Variants in CNTN4 observed in about 807,000 individuals in gnomAD.
The protein encoded by CNTN4 is contactin-4.
In CNTN4, 77 loss-of-function variants were observed where a neutral mutation model predicts 122.5. The observed-to-expected ratio is 0.63, with a 90% CI of 0.52 to 0.76. The LOEUF (loss-of-function observed/expected upper bound fraction) is 0.76, where lower values mean the gene tolerates loss of function less well. CNTN4 is among the 30% of genes least tolerant of loss of function. The pLI is 0.00. For synonymous variants in CNTN4, 512 were observed against 447.0 expected, an observed-to-expected ratio of 1.15 and a Z score of -1.83; for missense variants, 1,256 against 1,259.1, an observed-to-expected ratio of 1.00 and a Z score of 0.04.
At chr3:2,439,931 G>T (rs1412493533) in intron 3 of CNTN4, among the ~76,000 whole-genome samples, 1 of 152,040 alleles carries the variant, frequency 6.6e-6, no homozygotes, top group Non-Finnish European at 1.5e-5. Context: ...AAAAATCTTT[G>T]GGAGTAAATT....
chr3:2,219,684 C>G (rs1425632577), intron 2 of CNTN4, among the ~76,000 whole-genome samples: 1 of 151,930 alleles, frequency 6.6e-6, no homozygotes, highest in African/African-American at 2.4e-5. Flanking sequence ...TTAATTATGA[C>G]AAGGTAATTT....
chr3:2,310,771 C>T (rs10510232), intron 2 of CNTN4, among the ~76,000 whole-genome samples: 12,525 of 152,156 alleles, frequency 0.082, 753 homozygotes, highest in African/African-American at 0.17. Flanking sequence ...CTACCTAAAA[C>T]TCACTCGTTC....
intron 23 of CNTN4, among the ~76,000 whole-genome samples, chr3:3,044,238 T>C (rs558126972): frequency 1.9e-3 from 289 of 152,314 alleles, no homozygotes; most frequent in African/African-American, 6.4e-3. Flanking sequence ...TGTAGCCTTC[T>C]TGCAGCAATC....
At chr3:2,727,722 G>A (rs1302353620) in intron 4 of CNTN4, among the ~76,000 whole-genome samples, 1 of 152,176 alleles carries the variant, frequency 6.6e-6, no homozygotes, top group Non-Finnish European at 1.5e-5. Flanking sequence ...AATGCATGAT[G>A]GCGGCAGCAT....
At chr3:2,611,127 T>A (rs2081464043) in intron 4 of CNTN4, among the ~76,000 whole-genome samples, 1 of 150,996 alleles carries the variant, frequency 6.6e-6, no homozygotes, top group Non-Finnish European at 1.5e-5. Flanking sequence ...ATAGGCAAAG[T>A]TAAAGGTGTG....
rs1313750112 is a variant in CNTN4, at chr3:2,379,419, G to A, written c.-89+40186G>A. 2.0e-5 allele frequency among the ~76,000 whole-genome samples: 3 copies of A among 152,176 alleles called. 1 individual carries two copies. The highest frequency in any genetic ancestry group is 6.8e-3 in the Middle Eastern group (2 of 294). ...GATCCCACTCTGGCCACTAACTTCT[G>A]ATAGTACCTTGGATAGATAACTTTA... On this transcript the variant is annotated intron_variant, in intron 3 of 24. Coordinates refer to ENST00000418658, the MANE Select transcript of CNTN4 (RefSeq NM_175607.3).
chr3:2,549,704 C>T (rs1409125739), intron 3 of CNTN4, among the ~76,000 whole-genome samples: 2 of 152,138 alleles, frequency 1.3e-5, no homozygotes, highest in Non-Finnish European at 2.9e-5. Context: ...CAGGATGATG[C>T]AGGCCTCATA....
chr3:2,556,412 C>G (rs1035280692), intron 3 of CNTN4, among the ~76,000 whole-genome samples: 1 of 152,190 alleles, frequency 6.6e-6, no homozygotes, highest in Non-Finnish European at 1.5e-5. Flanking sequence ...CGAAGTTATC[C>G]TCAATCAGGA....
At position 3,038,949 on chromosome 3, in the gene CNTN4, AGCGAAT is replaced by A; in HGVS notation, c.2111_2116del (p.Ala704_Asn705del). The A allele has an allele frequency of 6.2e-7, 1 of 1,614,154 alleles. No individual in the cohort carries two copies. The highest frequency in any genetic ancestry group is 8.5e-7 in the Non-Finnish European group (1 of 1,179,998). On this transcript the variant is annotated inframe_deletion, in exon 19 of 25. Transcript: ENST00000418658. ...CTTGTGCAGTCCCCGAAGTCACACC[AGCGAAT>A]GTCAGTGGTGGCGGAGGCAGCAAAT...
At chr3:2,446,722 T>A (rs2048639813) in intron 3 of CNTN4, among the ~76,000 whole-genome samples, 1 of 152,212 alleles carries the variant, frequency 6.6e-6, no homozygotes, top group Non-Finnish European at 1.5e-5. Context: ...CAGCATATGT[T>A]CTACTTCACG....
intron 2 of CNTN4, among the ~76,000 whole-genome samples, chr3:2,172,392 G>A (rs2036555815): frequency 6.6e-6 from 1 of 152,076 alleles, no homozygotes. Flanking sequence ...GGACTTTGGG[G>A]ACTTGAGGGG....
chr3:2,282,611 G>T (rs1392403392), intron 2 of CNTN4, among the ~76,000 whole-genome samples: 1 of 152,012 alleles, frequency 6.6e-6, no homozygotes, highest in Non-Finnish European at 1.5e-5. Context: ...TTGAAATGTA[G>T]GCTTCAGGGT....
At chr3:2,796,917 C>T (rs2092203008) in intron 6 of CNTN4, among the ~76,000 whole-genome samples, 1 of 152,196 alleles carries the variant, frequency 6.6e-6, no homozygotes, top group South Asian at 2.1e-4. Flanking sequence ...ACCCCTACTT[C>T]ATACTCAGAT....
intron 8 of CNTN4, among the ~76,000 whole-genome samples, chr3:2,871,936 G>T (rs1477504797): frequency 6.6e-6 from 1 of 152,136 alleles, no homozygotes; most frequent in Non-Finnish European, 1.5e-5. Context: ...TTTTAAATCT[G>T]CTTTGAGAAG....
At chr3:2,737,451 T>C (rs2089196865) in intron 5 of CNTN4, among the ~76,000 whole-genome samples, 1 of 152,220 alleles carries the variant, frequency 6.6e-6, no homozygotes, top group Non-Finnish European at 1.5e-5. Context: ...CCTGAAAAGC[T>C]AAGTACCCAA....
chr3:2,516,784 A>G (rs1436076193), intron 3 of CNTN4, among the ~76,000 whole-genome samples: 2 of 152,174 alleles, frequency 1.3e-5, no homozygotes, highest in Non-Finnish European at 2.9e-5. Flanking sequence ...GCAGGGCTAT[A>G]CATTCTGAAG....
Position 2,148,519 on chromosome 3 carries a change from C to T in CNTN4, c.-145+47880C>T, listed in dbSNP as rs1419279528. 4.7e-5 allele frequency among the ~76,000 whole-genome samples: 7 copies of T among 150,324 alleles called. No individual in the cohort carries two copies. In the East Asian group the frequency reaches 9.7e-4, roughly 21 times the overall value. On this transcript the variant is annotated intron_variant, in intron 2 of 24. Transcript: ENST00000418658. Reference sequence around the variant, plus strand: ...CTGCACTTCAGCCTGGGTGACAGAGCGAGCCCCTGTCTCAAAAAAAAAAAG... The same window carrying T: ...CTGCACTTCAGCCTGGGTGACAGAGTGAGCCCCTGTCTCAAAAAAAAAAAG...
At chr3:2,698,024 G>A (rs1356066927) in intron 4 of CNTN4, among the ~76,000 whole-genome samples, 2 of 152,110 alleles carry the variant, frequency 1.3e-5, no homozygotes, top group African/African-American at 2.4e-5. Flanking sequence ...TGACTAAATG[G>A]GTACGATAGC....
chr3:2,983,213 CAAAAAAAAAAAAAAAAAAAAAAAAAAAA>C (rs57079892), intron 13 of CNTN4, among the ~76,000 whole-genome samples: 9 of 18,992 alleles, frequency 4.7e-4, no homozygotes, highest in Admixed American at 9.7e-4. Flanking sequence ...GACTCCATCT[CAAAAAAAAAAAAAAAAAAAAAAAAAAAA>C]AAAAAAAAAA....
Sources: gnomAD v4.1 joint callset for allele counts (sites outside exome capture counted in the v4.1 genomes callset) on GRCh38, gnomAD v4.1.1 for gene constraint, MANE v1.5 for transcripts, NCBI Gene and HGNC (gene_info 2026-07-23, HGNC 2026-07-21) for gene names.